SHC4: variants seen among roughly 807,000 people sequenced by gnomAD.
The protein encoded by SHC4 is SHC adaptor protein 4.
A neutral mutation model predicts 69.4 loss-of-function variants in SHC4; 41 were observed. The observed-to-expected ratio is 0.59, with a 90% CI of 0.46 to 0.77. SHC4 has a LOEUF of 0.77. SHC4 is among the 30% of genes least tolerant of loss of function. SHC4 has a pLI of 0.00. For missense variants in SHC4, 777 were observed against 783.8 expected (o/e 0.99, Z 0.10); for synonymous variants, 318 against 299.3 (o/e 1.06, Z -0.64).
chr15:48,856,686 A>G (rs1008572147), intron 7 of SHC4, among the ~76,000 whole-genome samples: 5 of 152,052 alleles, frequency 3.3e-5, no homozygotes, highest in Non-Finnish European at 5.9e-5. Context: ...AGATTTATAT[A>G]AACATGGAAT....
Position 48,960,970 on chromosome 15 carries a change from C to T in SHC4, c.585+1461G>A, listed in dbSNP as rs146455866. 1.7e-3 allele frequency among the ~76,000 whole-genome samples: 265 copies of T among 152,202 alleles called. 1 individual carries two copies. Among genetic ancestry groups the T allele is most frequent in the Non-Finnish European group, 2.4e-3 (162 of 68,004 alleles). ...CAAAATAATCAATCTACCCACTGCTCCATAAATGTTCACTACTCTATTAGT... is the reference window on the plus strand; with the variant it reads ...CAAAATAATCAATCTACCCACTGCTTCATAAATGTTCACTACTCTATTAGT... On this transcript the variant is annotated intron_variant, in intron 1 of 11. Transcript: ENST00000332408.
At chr15:48,950,391 G>A (rs1901348122) in intron 1 of SHC4, among the ~76,000 whole-genome samples, 1 of 151,768 alleles carries the variant, frequency 6.6e-6, no homozygotes, top group African/African-American at 2.4e-5. Flanking sequence ...ATCTCCACCA[G>A]ATAGAAGACA....
chr15:48,851,956 A>G (rs916115340), intron 8 of SHC4, among the ~76,000 whole-genome samples: 1 of 152,210 alleles, frequency 6.6e-6, no homozygotes, highest in Admixed American at 6.5e-5. Context: ...TCATGGTAGA[A>G]TCCTAGGTCT....
intron 1 of SHC4, among the ~76,000 whole-genome samples, chr15:48,948,485 G>A (rs879186135): frequency 3.9e-5 from 6 of 152,158 alleles, no homozygotes; most frequent in African/African-American, 1.2e-4. Flanking sequence ...CCACACTTTC[G>A]GCTGTGAGTA....
intron 1 of SHC4, among the ~76,000 whole-genome samples, chr15:48,958,297 G>T (rs1293880656): frequency 1.3e-5 from 2 of 152,218 alleles, no homozygotes; most frequent in African/African-American, 4.8e-5. Flanking sequence ...TACTTCAGAG[G>T]CTGCCTGTCT....
intron 2 of SHC4, among the ~76,000 whole-genome samples, chr15:48,899,656 C>T (rs1159827646): frequency 1.3e-5 from 2 of 151,470 alleles, no homozygotes; most frequent in African/African-American, 4.9e-5. Flanking sequence ...TTGGGAATTC[C>T]ATTTTTTTAA....
chr15:48,911,284 T>C (rs1209040153), intron 2 of SHC4, among the ~76,000 whole-genome samples: 2 of 152,210 alleles, frequency 1.3e-5, no homozygotes, highest in Non-Finnish European at 2.9e-5. Context: ...TGTGCTATTT[T>C]CCTGTTGGAC....
chr15:48,890,242 C>G (rs1900111007), intron 3 of SHC4, among the ~76,000 whole-genome samples: 1 of 152,192 alleles, frequency 6.6e-6, no homozygotes, highest in South Asian at 2.1e-4. Context: ...TGCTTTCTTT[C>G]CACAGGGAAA....
At chr15:48,907,801 GGAAT>G (rs1298944296) in intron 2 of SHC4, among the ~76,000 whole-genome samples, 1 of 125,492 alleles carries the variant, frequency 8.0e-6, no homozygotes, top group African/African-American at 3.0e-5. Context: ...GTCATAAAAA[GGAAT>G]GAATGAATAT....
chr15:48,855,288 G>C (rs993735748), intron 8 of SHC4, among the ~76,000 whole-genome samples: 3 of 152,108 alleles, frequency 2.0e-5, no homozygotes, highest in Non-Finnish European at 4.4e-5. Context: ...ACATTATAAA[G>C]AGATACAGAA....
chr15:48,876,757 A>G, intron 4 of SHC4: 1 of 469,968 alleles, frequency 2.1e-6, no homozygotes, highest in Non-Finnish European at 3.9e-6. Flanking sequence ...AGCTGATTAG[A>G]TTGTGCCCAA....
At chr15:48,861,535 C>A (rs961802958) in intron 6 of SHC4, among the ~76,000 whole-genome samples, 3 of 152,130 alleles carry the variant, frequency 2.0e-5, no homozygotes, top group Non-Finnish European at 4.4e-5. Context: ...AGGATTAAAA[C>A]CAATTCCAAA....
chr15:48,854,439 C>T (rs953753575), intron 8 of SHC4, among the ~76,000 whole-genome samples: 1 of 152,208 alleles, frequency 6.6e-6, no homozygotes, highest in Non-Finnish European at 1.5e-5. Context: ...AGCACTCAAA[C>T]ATTTGACCCA....
intron 2 of SHC4, among the ~76,000 whole-genome samples, chr15:48,914,354 G>C (rs976955751): frequency 6.6e-6 from 1 of 152,212 alleles, no homozygotes; most frequent in Non-Finnish European, 1.5e-5. Context: ...TCTTAGAATG[G>C]CCACTTACCT....
chr15:48,909,162 G>A (rs1020550842), intron 2 of SHC4, among the ~76,000 whole-genome samples: 1 of 152,118 alleles, frequency 6.6e-6, no homozygotes, highest in Non-Finnish European at 1.5e-5. Context: ...TCACAATACT[G>A]ATTCTGCCCA....
intron 11 of SHC4, among the ~76,000 whole-genome samples, chr15:48,827,859 T>C (rs1456328215): frequency 6.6e-6 from 1 of 152,210 alleles, no homozygotes; most frequent in East Asian, 1.9e-4. Flanking sequence ...ACTGGGCCTC[T>C]GCTCTGCATG....
At chr15:48,868,320 A>C (rs1899601620) in intron 5 of SHC4, among the ~76,000 whole-genome samples, 1 of 152,200 alleles carries the variant, frequency 6.6e-6, no homozygotes, top group Non-Finnish European at 1.5e-5. Flanking sequence ...TTGACTAAAG[A>C]GACATGTTGG....
intron 9 of SHC4, among the ~76,000 whole-genome samples, chr15:48,847,585 T>C (rs1225206068): frequency 6.6e-6 from 1 of 152,216 alleles, no homozygotes; most frequent in African/African-American, 2.4e-5. Context: ...AATATTTCTA[T>C]AGGTATCTCT....
Position 48,885,428 on chromosome 15 carries a change from GTTA to G in SHC4, c.721-1064_721-1062del, listed in dbSNP as rs1311551277. Among the ~76,000 whole-genome samples, 5 of 152,160 alleles carry G rather than the reference GTTA, an allele frequency of 3.3e-5. No individual in the cohort carries two copies. The East Asian group carries it at 7.7e-4, about 23-fold the overall frequency. ...GTATTTGGCTGGTTACATGAGAGCT[GTTA>G]TTATTATTATTACTTATTTTTGCCC... On this transcript the variant is annotated intron_variant, in intron 3 of 11. Coordinates refer to ENST00000332408, the MANE Select transcript of SHC4 (RefSeq NM_203349.4).
Sources: allele counts gnomAD v4.1 joint callset (sites outside exome capture counted in the v4.1 genomes callset), GRCh38; gene constraint gnomAD v4.1.1; transcripts MANE v1.5; gene names NCBI Gene and HGNC (gene_info 2026-07-23, HGNC 2026-07-21).